Variants in ANO4 observed in about 807,000 individuals in gnomAD.
The protein encoded by ANO4 is anoctamin 4.
In ANO4, 69 loss-of-function variants were observed where a neutral mutation model predicts 141.9. The ratio of observed to expected loss-of-function variants is 0.49; its 90% CI spans 0.40 to 0.59. The LOEUF is 0.59. ANO4 is among the 20% of genes least tolerant of loss of function. The probability of loss-of-function intolerance (pLI) is 0.00; values close to 1 mark genes in which losing one functional copy is unlikely to be tolerated. For missense variants in ANO4, 894 were observed against 1,162.2 expected (o/e 0.77, Z 3.36); for synonymous variants, 350 against 394.3 (o/e 0.89, Z 1.33).
chr12:100,926,602 T>TTGTGTGTGTGTGTGTGTGTGTGTG (rs3059281), intron 3 of ANO4, among the ~76,000 whole-genome samples: 2 of 147,406 alleles, frequency 1.4e-5, no homozygotes, highest in African/African-American at 5.0e-5. Flanking sequence ...AAGGGTGTGT[T>TTGTGTGTGTGTGTGTGTGTGTGTG]TGTGTGTGTG....
intron 3 of ANO4, among the ~76,000 whole-genome samples, chr12:100,749,820 GTGTGGTC>G (rs1331157202): frequency 5.3e-5 from 8 of 152,190 alleles, no homozygotes; most frequent in Non-Finnish European, 2.9e-5. Context: ...GCTACTCAAA[GTGTGGTC>G]CACAAGAGCT....
At chr12:100,748,336 G>A (rs1010778540) in intron 3 of ANO4, among the ~76,000 whole-genome samples, 2 of 152,166 alleles carry the variant, frequency 1.3e-5, no homozygotes, top group African/African-American at 2.4e-5. Context: ...ATGTGACCAC[G>A]AGATGCAGAG....
chr12:101,099,505 ACT>A, intron 21 of ANO4, 71 bp from the exon 22 acceptor site: 2 of 1,404,006 alleles, frequency 1.4e-6, no homozygotes, highest in Non-Finnish European at 1.9e-6. Flanking sequence ...CTGTATTCAA[ACT>A]CTCCTTTTTC....
chr12:101,069,325 C>A, intron 14 of ANO4: 1 of 696,106 alleles, frequency 1.4e-6, no homozygotes, highest in Non-Finnish European at 2.6e-6. Flanking sequence ...GATTTATTGT[C>A]TTCAACTTTA....
rs753290165 is a variant in ANO4, at chr12:101,126,870, C to G, written c.2677-9C>G. The stretch of plus-strand genomic sequence containing the variant: ...AGACCTGACGCTGTTACATTCTCCT[C>G]TGTTTTAGCACCTCGTGTTTTGTAT... On this transcript the variant is annotated splice_polypyrimidine_tract_variant and intron_variant, in intron 26 of 27. Coordinates refer to ENST00000392977, the MANE Select transcript of ANO4 (RefSeq NM_001286615.2). 2.2e-5 allele frequency: 35 copies of G among 1,610,486 alleles called. 1 individual carries two copies. In the East Asian group the frequency reaches 6.9e-4, roughly 32 times the overall value.
At chr12:100,842,019 CTG>C (rs2037276746) in intron 1 of ANO4, among the ~76,000 whole-genome samples, 1 of 135,766 alleles carries the variant, frequency 7.4e-6, no homozygotes, top group East Asian at 2.3e-4. Context: ...GCCAAATTCT[CTG>C]TGTAGCTTCT....
chr12:100,838,239 A>G (rs2037052831), intron 1 of ANO4, among the ~76,000 whole-genome samples: 1 of 151,852 alleles, frequency 6.6e-6, no homozygotes, highest in Non-Finnish European at 1.5e-5. Flanking sequence ...CAAAAAAAAA[A>G]AAAAAAAAAA....
intron 1 of ANO4, among the ~76,000 whole-genome samples, chr12:100,834,240 G>A: frequency 6.6e-6 from 1 of 152,092 alleles, no homozygotes. Flanking sequence ...GATGGGTTCA[G>A]CCCAGCTACA....
At chr12:101,025,348 G>A (rs1261902486) in intron 9 of ANO4, among the ~76,000 whole-genome samples, 1 of 152,216 alleles carries the variant, frequency 6.6e-6, no homozygotes, top group Non-Finnish European at 1.5e-5. Context: ...AATGTAGGCA[G>A]GACCTGAAAG....
At chr12:100,926,996 T>A (rs2041902448) in intron 3 of ANO4, among the ~76,000 whole-genome samples, 1 of 152,122 alleles carries the variant, frequency 6.6e-6, no homozygotes, top group Non-Finnish European at 1.5e-5. Context: ...CAGTCTCATC[T>A]TCCTGTTTCT....
At chr12:100,820,608 A>G (rs2035996979) in intron 1 of ANO4, among the ~76,000 whole-genome samples, 1 of 152,050 alleles carries the variant, frequency 6.6e-6, no homozygotes, top group African/African-American at 2.4e-5. Context: ...GTACTTGCGC[A>G]GTTCTATCTC....
At chr12:100,981,214 A>G (rs983275292) in intron 7 of ANO4, among the ~76,000 whole-genome samples, 17 of 152,234 alleles carry the variant, frequency 1.1e-4, no homozygotes, top group African/African-American at 4.1e-4. Flanking sequence ...GGAGTCTTCT[A>G]TAAGGTATTT....
chr12:100,997,963 G>A (rs756936464), intron 8 of ANO4, among the ~76,000 whole-genome samples: 3 of 152,184 alleles, frequency 2.0e-5, no homozygotes, highest in Non-Finnish European at 4.4e-5. Flanking sequence ...TTCTGTGAGA[G>A]TTTAGGCAAG....
intron 26 of ANO4, 97 bp from the exon 27 acceptor site, chr12:101,126,782 C>A: frequency 8.6e-7 from 1 of 1,156,766 alleles, no homozygotes; most frequent in Non-Finnish European, 1.2e-6. Flanking sequence ...GCACTCTCCA[C>A]ATACCCCAGA....
chr12:100,804,959 G>T (rs2034916076), intron 1 of ANO4, among the ~76,000 whole-genome samples: 1 of 152,160 alleles, frequency 6.6e-6, no homozygotes, highest in Non-Finnish European at 1.5e-5. Context: ...AGTTTAATTA[G>T]ATCCCATTTG....
chr12:100,937,522 C>T (rs1592770266), intron 3 of ANO4, among the ~76,000 whole-genome samples: 1 of 152,268 alleles, frequency 6.6e-6, no homozygotes, highest in Non-Finnish European at 1.5e-5. Flanking sequence ...GCACCTAGCA[C>T]AGTACCTGGC....
chr12:100,857,888 A>T (rs1007167657), intron 1 of ANO4, among the ~76,000 whole-genome samples: 4 of 152,164 alleles, frequency 2.6e-5, no homozygotes, highest in Non-Finnish European at 4.4e-5. Context: ...ACCACCAAAG[A>T]TAATATTTGA....
chr12:100,791,425 AC>A (rs1399597414), upstream of ANO4, among the ~76,000 whole-genome samples: 33 of 152,188 alleles, frequency 2.2e-4, no homozygotes, highest in African/African-American at 7.5e-4. Context: ...AACAACAACA[AC>A]AACAAAAATG....
At chr12:100,902,145 A>G (rs1223023546) in intron 2 of ANO4, among the ~76,000 whole-genome samples, 4 of 152,166 alleles carry the variant, frequency 2.6e-5, no homozygotes, top group East Asian at 1.9e-4. Context: ...ATAAAACAAC[A>G]TAGAGATTTG....
Sources: allele counts gnomAD v4.1 joint callset (sites outside exome capture counted in the v4.1 genomes callset), GRCh38; gene constraint gnomAD v4.1.1; transcripts MANE v1.5; gene names NCBI Gene and HGNC (gene_info 2026-07-23, HGNC 2026-07-21).